The following AHRR variants were observed in gnomAD, a reference collection of about 807,000 sequenced individuals.
The protein encoded by AHRR is ahR repressor.
AHRR carries 28 observed loss-of-function variants against 44.0 expected under a neutral mutation model. That is an observed-to-expected ratio of 0.64 (90% CI 0.47 to 0.87). The LOEUF (loss-of-function observed/expected upper bound fraction) is 0.87, where lower values mean the gene tolerates loss of function less well. AHRR is among the 40% of genes least tolerant of loss of function. The pLI is 0.00. For missense variants in AHRR, 990 were observed against 953.9 expected (o/e 1.04, Z -0.50); for synonymous variants, 434 against 407.0 (o/e 1.07, Z -0.80).
rs983815301 is a variant in AHRR at position 405,692 on chromosome 5, G to T, written c.352-7652G>T. ...CCTGACCCAGCAGCCTTGTCCCACC[G>T]CCTGCGACCACCAGCTCCTCCGCTC... On this transcript the variant is annotated intron_variant, in intron 4 of 10. Coordinates refer to ENST00000684583, the MANE Select transcript of AHRR (RefSeq NM_001377236.1). The surrounding 1 kb of genome is among the most constrained non-coding windows in gnomAD (Gnocchi z 4.5). Among the ~76,000 whole-genome samples, 1 of 152,276 alleles carries T rather than the reference G, an allele frequency of 6.6e-6. No homozygotes were observed. The highest frequency in any genetic ancestry group is 1.5e-5 in the Non-Finnish European group (1 of 68,020).
At position 338,287 on chromosome 5, in the gene AHRR, G is replaced by T. The variant is rs1441925774; in HGVS notation, c.-10-5606G>T. Among the ~76,000 whole-genome samples the T allele has an allele frequency of 6.6e-6, 1 of 152,106 alleles. No individual in the cohort carries two copies. The highest frequency in any genetic ancestry group is 1.5e-5 in the Non-Finnish European group (1 of 68,022). The stretch of plus-strand genomic sequence containing the variant: ...TGTTGTAGACCCATACTACAATCTG[G>T]TATCATTTTCCTTTGGCCTGTAATG... On this transcript the variant is annotated intron_variant, in intron 1 of 10. Transcript: ENST00000684583. The surrounding 1 kb of genome is among the most constrained non-coding windows in gnomAD (Gnocchi z 4.1).
At chr5:392,914 C>T (rs968924805) in intron 4 of AHRR, among the ~76,000 whole-genome samples, 1 of 152,028 alleles carries the variant, frequency 6.6e-6, no homozygotes, top group African/African-American at 2.4e-5. Flanking sequence ...GGTGTAGGTG[C>T]CTCTTGCAGG....
At chr5:380,071 C>G (rs1417352144) in intron 4 of AHRR, among the ~76,000 whole-genome samples, 1 of 152,150 alleles carries the variant, frequency 6.6e-6, no homozygotes, top group Admixed American at 6.5e-5. Flanking sequence ...TGTCTCAGCA[C>G]CATGTATTAG....
intron 4 of AHRR, among the ~76,000 whole-genome samples, chr5:407,651 C>G (rs902117649): frequency 2.6e-5 from 4 of 152,114 alleles, no homozygotes; most frequent in African/African-American, 9.7e-5. Flanking sequence ...GCCATTCTCC[C>G]GCCTCAGCCT....
At chr5:367,103 C>T (rs1366593525) in intron 3 of AHRR, among the ~76,000 whole-genome samples, 1 of 152,198 alleles carries the variant, frequency 6.6e-6, no homozygotes, top group African/African-American at 2.4e-5. Flanking sequence ...AAAGCATAAG[C>T]AGGAGGAACA....
In AHRR at chr5:321,839, C is replaced by T. The variant is rs913343507; in HGVS notation, c.-11+20C>T. The T allele has an allele frequency of 6.6e-6, 1 of 151,984 alleles. No individual in the cohort carries two copies. Among genetic ancestry groups the T allele is most frequent in the Non-Finnish European group, 1.5e-5 (1 of 68,038 alleles). 9.4% of individuals were successfully genotyped at this position (151,984 alleles called of 1,614,324 possible). ...CCCTGGGTAAGTGTCCTGGGCGCCC[C>T]CGCAGGCCCCCGCCGCGTGCCGCCC... On this transcript the variant is annotated intron_variant, in intron 1 of 10. Transcript: ENST00000684583. The surrounding 1 kb of genome is among the most constrained non-coding windows in gnomAD (Gnocchi z 8.3).
intron 4 of AHRR, among the ~76,000 whole-genome samples, chr5:412,074 C>A (rs144645498): frequency 1.3e-5 from 2 of 152,202 alleles, no homozygotes; most frequent in African/African-American, 4.8e-5. Context: ...TAAAGGAAAA[C>A]GCCACATCAA....
chr5:344,877 G>C (rs1171829412), intron 2 of AHRR, among the ~76,000 whole-genome samples: 2 of 142,082 alleles, frequency 1.4e-5, no homozygotes, highest in African/African-American at 5.3e-5. Flanking sequence ...CAGGTGTGCA[G>C]GTGTGCGAAG....
intron 4 of AHRR, among the ~76,000 whole-genome samples, chr5:403,511 C>T (rs1026060102): frequency 5.3e-5 from 8 of 151,962 alleles, no homozygotes; most frequent in Non-Finnish European, 8.8e-5. Flanking sequence ...TGGCGCATGC[C>T]TGTAATCCCA....
At chr5:352,534 T>A (rs1363867575) in intron 2 of AHRR, among the ~76,000 whole-genome samples, 1 of 128,668 alleles carries the variant, frequency 7.8e-6, no homozygotes, top group Non-Finnish European at 1.7e-5. Context: ...ATGGGTCAGC[T>A]GTAGGGGATG....
At chr5:323,727 A>G (rs975167982) in intron 1 of AHRR, among the ~76,000 whole-genome samples, 5 of 152,132 alleles carry the variant, frequency 3.3e-5, no homozygotes, top group East Asian at 1.9e-4. Context: ...GTCATTTGCA[A>G]TGCAGTTGGA....
chr5:434,463 G>A lies in AHRR; in HGVS notation c.1723G>A (p.Glu575Lys). The A allele has an allele frequency of 1.2e-6, 2 of 1,613,494 alleles. No homozygotes were observed. The highest frequency in any genetic ancestry group is 8.5e-7 in the Non-Finnish European group (1 of 1,180,004). Residue 575 changes from glutamate (E) to lysine (K), a missense_variant, in exon 11 of 11, where the codon GAG (glutamate) becomes AAG (lysine). Physicochemically the swap from Glu to Lys is moderately conservative, Grantham distance 56. Coordinates refer to ENST00000684583, the MANE Select transcript of AHRR (RefSeq NM_001377236.1). ...TFPTRMHLKT[E>K]PDSRQQVYIS... ...CCCTACCAGGATGCACCTGAAAACA[G>A]AGCCAGACTCTCGGCAACAGGTGTA...
At chr5:394,640 C>T (rs1734617255) in intron 4 of AHRR, among the ~76,000 whole-genome samples, 1 of 151,772 alleles carries the variant, frequency 6.6e-6, no homozygotes, top group African/African-American at 2.4e-5. Context: ...CCCCTTTCCT[C>T]CCTGTGTGCT....
In AHRR at chr5:427,887, G is replaced by T; in HGVS notation, c.789G>T (p.Arg263=). The T allele has an allele frequency of 6.2e-7, 1 of 1,614,132 alleles. No homozygotes were observed. Among genetic ancestry groups the T allele is most frequent in the Non-Finnish European group, 8.5e-7 (1 of 1,180,036 alleles). ...CGTCAGGAGCCATGCTCCCGCCGCGGCTGTCGCTGTTCTGCATTGCGGCAC... is the reference window on the plus strand; with the variant it reads ...CGTCAGGAGCCATGCTCCCGCCGCGTCTGTCGCTGTTCTGCATTGCGGCAC... ...KAPSGAMLPP[R]LSLFCIAAPV... Residue 263 remains arginine, a synonymous_variant, in exon 8 of 11, where the codon CGG becomes CGT. Transcript: ENST00000684583.
chr5:401,833 G>A (rs1444605427), intron 4 of AHRR, among the ~76,000 whole-genome samples: 2 of 152,246 alleles, frequency 1.3e-5, no homozygotes, highest in Non-Finnish European at 2.9e-5. Flanking sequence ...CCCAACCAAA[G>A]CAAGGGGGCA....
intron 4 of AHRR, among the ~76,000 whole-genome samples, chr5:396,719 A>G (rs571545353): frequency 3.3e-5 from 5 of 152,260 alleles, no homozygotes; most frequent in African/African-American, 1.2e-4. Flanking sequence ...GGGAGGAAGC[A>G]TGCCGGCCCT....
In AHRR at chr5:342,624, C is replaced by T. The variant is rs1431892456; in HGVS notation, c.-10-1269C>T. 6.6e-6 allele frequency among the ~76,000 whole-genome samples: 1 copy of T among 152,234 alleles called. No individual in the cohort carries two copies. The highest frequency in any genetic ancestry group is 6.5e-5 in the Admixed American group (1 of 15,290). Reference sequence around the variant, plus strand: ...AGGTGGATATTGCGTGAGTCTGCCTCCTCTTCCAGGCTACACTCACTTCAG... The same window carrying T: ...AGGTGGATATTGCGTGAGTCTGCCTTCTCTTCCAGGCTACACTCACTTCAG... On this transcript the variant is annotated intron_variant, in intron 1 of 10. Transcript: ENST00000684583. This position sits in a 1 kb window ranked among gnomAD's most constrained non-coding sequence, Gnocchi z 4.3.
At position 416,719 on chromosome 5, in the gene AHRR, G is replaced by A. The variant is rs187814608; in HGVS notation, c.441+3286G>A. ...GAGTGGGTCCGTTGGGTCCGTAGGC[G>A]TTTGCTGGGGTTTGGTGCATCCTTC... On this transcript the variant is annotated intron_variant, in intron 5 of 10. Transcript: ENST00000684583. 2.5e-3 allele frequency among the ~76,000 whole-genome samples: 376 copies of A among 152,330 alleles called. 3 individuals carry two copies. Among genetic ancestry groups the A allele is most frequent in the Non-Finnish European group, 7.5e-4 (51 of 68,016 alleles).
intron 4 of AHRR, among the ~76,000 whole-genome samples, chr5:399,162 G>A (rs1268245113): frequency 6.6e-6 from 1 of 152,250 alleles, no homozygotes; most frequent in Non-Finnish European, 1.5e-5. Flanking sequence ...GGACGGCCCA[G>A]GCCAACTCTA....
Sources: allele counts gnomAD v4.1 joint callset (sites outside exome capture counted in the v4.1 genomes callset), GRCh38; gene constraint gnomAD v4.1.1; non-coding constraint Gnocchi (gnomAD v3.1); transcripts MANE v1.5; gene names NCBI Gene and HGNC (gene_info 2026-07-23, HGNC 2026-07-21).